Variants in RNGTT observed in about 807,000 individuals in gnomAD.
RNGTT encodes mRNA-capping enzyme.
A neutral mutation model predicts 79.3 loss-of-function variants in RNGTT; 33 were observed. That is an observed-to-expected ratio of 0.42 (90% CI 0.32 to 0.56). The LOEUF is 0.56. Ranked by LOEUF, RNGTT falls within the 20% of genes least tolerant of loss-of-function variation. The pLI is 0.17. For synonymous variants in RNGTT, 222 were observed against 235.9 expected, an observed-to-expected ratio of 0.94 and a Z score of 0.54; for missense variants, 497 against 739.1, an observed-to-expected ratio of 0.67 and a Z score of 3.80.
intron 12 of RNGTT, among the ~76,000 whole-genome samples, chr6:88,797,327 G>A (rs1321458761): frequency 6.6e-6 from 1 of 152,124 alleles, no homozygotes; most frequent in Non-Finnish European, 1.5e-5. Context: ...TGAAACAAAA[G>A]CTCCATAAGT....
chr6:88,656,974 C>G (rs1414930485), intron 14 of RNGTT, among the ~76,000 whole-genome samples: 1 of 151,844 alleles, frequency 6.6e-6, no homozygotes, highest in East Asian at 1.9e-4. Flanking sequence ...GCCTGTAATC[C>G]CAGCTACTCG....
At chr6:88,685,689 G>C (rs1015747432) in intron 13 of RNGTT, among the ~76,000 whole-genome samples, 1 of 151,878 alleles carries the variant, frequency 6.6e-6, no homozygotes, top group African/African-American at 2.4e-5. Context: ...AAACAGGATG[G>C]GGGGAAAGAC....
intron 15 of RNGTT, 67 bp from the exon 16 acceptor site, chr6:88,612,949 T>C (rs1772088196): frequency 2.1e-6 from 3 of 1,448,580 alleles, no homozygotes; most frequent in Non-Finnish European, 2.8e-6. Flanking sequence ...CACAGGCTTA[T>C]GAGAAAGGTT....
At chr6:88,818,921 TAA>T (rs1052868821) in intron 11 of RNGTT, among the ~76,000 whole-genome samples, 3 of 152,300 alleles carry the variant, frequency 2.0e-5, no homozygotes, top group East Asian at 1.9e-4. Context: ...TCATAATAAA[TAA>T]AAAGACTTCT....
intron 4 of RNGTT, among the ~76,000 whole-genome samples, chr6:88,920,963 T>G (rs915525683): frequency 6.6e-6 from 1 of 152,158 alleles, no homozygotes; most frequent in Non-Finnish European, 1.5e-5. Context: ...CCTGCCAAAT[T>G]TTGGAGCACA....
At chr6:88,632,731 C>A (rs1772949139) in intron 14 of RNGTT, among the ~76,000 whole-genome samples, 1 of 152,068 alleles carries the variant, frequency 6.6e-6, no homozygotes, top group Non-Finnish European at 1.5e-5. Context: ...AAAAAAATCT[C>A]ACAGAATATC....
At chr6:88,906,279 C>G (rs1040109931) in intron 5 of RNGTT, 86 bp downstream of exon 5, 20 of 793,656 alleles carry the variant, frequency 2.5e-5, no homozygotes, top group Non-Finnish European at 4.0e-5. Context: ...TCACCAAAAA[C>G]TTGACAATAC....
intron 6 of RNGTT, among the ~76,000 whole-genome samples, chr6:88,901,772 CA>C (rs1414645899): frequency 2.6e-5 from 4 of 152,078 alleles, no homozygotes; most frequent in South Asian, 2.1e-4. Flanking sequence ...GCTGGGATTT[CA>C]GGCGTGAGCC....
chr6:88,717,939 A>T (rs1459988736), intron 13 of RNGTT, among the ~76,000 whole-genome samples: 2 of 152,146 alleles, frequency 1.3e-5, no homozygotes, highest in Non-Finnish European at 2.9e-5. Flanking sequence ...AGCCACCCAC[A>T]AAGATATCAG....
intron 13 of RNGTT, among the ~76,000 whole-genome samples, chr6:88,703,370 TAAAAAGG>T (rs1776008723): frequency 1.3e-5 from 2 of 152,174 alleles, no homozygotes; most frequent in Non-Finnish European, 2.9e-5. Flanking sequence ...TACACAGCCA[TAAAAAGG>T]ACAAAATCAT....
intron 11 of RNGTT, among the ~76,000 whole-genome samples, chr6:88,806,461 C>A (rs373640550): frequency 1.3e-4 from 20 of 151,450 alleles, no homozygotes; most frequent in Non-Finnish European, 2.5e-4. Context: ...AGATTACAGG[C>A]GCGCACCACC....
intron 2 of RNGTT, among the ~76,000 whole-genome samples, chr6:88,932,186 G>A (rs1027755753): frequency 1.3e-5 from 2 of 152,196 alleles, no homozygotes; most frequent in African/African-American, 4.8e-5. Flanking sequence ...AGGGTCTGCA[G>A]TTGCAGATAA....
At chr6:88,864,221 T>C (rs1013969982) in intron 8 of RNGTT, among the ~76,000 whole-genome samples, 2 of 152,070 alleles carry the variant, frequency 1.3e-5, no homozygotes, top group Non-Finnish European at 1.5e-5. Context: ...CTACATATAA[T>C]AAATGATCAC....
At chr6:88,800,697 G>A (rs1036833178) in intron 12 of RNGTT, among the ~76,000 whole-genome samples, 1 of 152,188 alleles carries the variant, frequency 6.6e-6, no homozygotes, top group East Asian at 1.9e-4. Flanking sequence ...GTGTGGGGCT[G>A]AGCTGCATCT....
intron 4 of RNGTT, among the ~76,000 whole-genome samples, chr6:88,924,012 C>T (rs962338835): frequency 3.3e-5 from 5 of 152,184 alleles, no homozygotes; most frequent in African/African-American, 1.2e-4. Flanking sequence ...GAGGGGTACT[C>T]AAGTTATCCT....
At chr6:88,776,218 A>G (rs1778873589) in intron 12 of RNGTT, among the ~76,000 whole-genome samples, 1 of 151,922 alleles carries the variant, frequency 6.6e-6, no homozygotes, top group Non-Finnish European at 1.5e-5. Flanking sequence ...TGTATTTTCG[A>G]TAATAGCCAT....
intron 13 of RNGTT, among the ~76,000 whole-genome samples, chr6:88,717,227 G>GT (rs547278093): frequency 7.2e-4 from 109 of 152,154 alleles, no homozygotes; most frequent in African/African-American, 2.6e-3. Flanking sequence ...AAAGACTGAG[G>GT]TTATTGTTCA....
chr6:88,620,583 A>G (rs1483359750), intron 14 of RNGTT, among the ~76,000 whole-genome samples: 1 of 152,232 alleles, frequency 6.6e-6, no homozygotes, highest in Non-Finnish European at 1.5e-5. Flanking sequence ...CGTTTCACCA[A>G]TGATGATAAA....
chr6:88,895,229 CTG>C (rs5878081), intron 6 of RNGTT, among the ~76,000 whole-genome samples: 9,769 of 145,056 alleles, frequency 0.067, 344 homozygotes, highest in African/African-American at 0.092. Context: ...AGAGAGAGCT[CTG>C]TGTGTGTGTG....
Sources: gnomAD v4.1 joint callset for allele counts (sites outside exome capture counted in the v4.1 genomes callset) on GRCh38, gnomAD v4.1.1 for gene constraint, MANE v1.5 for transcripts, NCBI Gene and HGNC (gene_info 2026-07-23, HGNC 2026-07-21) for gene names.